The following STX18 variants were observed in gnomAD, a reference collection of about 807,000 sequenced individuals.
The protein encoded by STX18 is syntaxin 18.
In STX18, 40 loss-of-function variants were observed where a neutral mutation model predicts 50.1. That is an observed-to-expected ratio of 0.80 (90% CI 0.62 to 1.04). The LOEUF (loss-of-function observed/expected upper bound fraction) is 1.04, where lower values mean the gene tolerates loss of function less well. STX18 is among the 50% of genes least tolerant of loss of function. The pLI, the probability that STX18 is intolerant of heterozygous loss-of-function variation, is 0.00. For missense variants in STX18, 410 were observed against 415.8 expected (o/e 0.99, Z 0.12); for synonymous variants, 158 against 151.8 (o/e 1.04, Z -0.30).
At chr4:4,428,465 A>G (rs1199046423) in intron 7 of STX18, among the ~76,000 whole-genome samples, 2 of 152,114 alleles carry the variant, frequency 1.3e-5, no homozygotes, top group South Asian at 2.1e-4. Flanking sequence ...GGTTGTTAGA[A>G]GGAATACATG....
At chr4:4,458,776 T>C (rs1021582445) in intron 3 of STX18, among the ~76,000 whole-genome samples, 10 of 126,404 alleles carry the variant, frequency 7.9e-5, no homozygotes, top group African/African-American at 9.2e-5. Flanking sequence ...CTGCATTTCA[T>C]AGACAAAAAA....
At chr4:4,508,094 T>C (rs1729812703) in intron 1 of STX18, among the ~76,000 whole-genome samples, 1 of 152,194 alleles carries the variant, frequency 6.6e-6, no homozygotes, top group Non-Finnish European at 1.5e-5. Flanking sequence ...TAATCACTAT[T>C]AAATAAAATG....
chr4:4,485,801 G>A (rs753639361), intron 1 of STX18, among the ~76,000 whole-genome samples: 1 of 152,152 alleles, frequency 6.6e-6, no homozygotes, highest in Non-Finnish European at 1.5e-5. Context: ...TCCCTGCCCT[G>A]TCCCCTATGC....
At chr4:4,509,320 G>A (rs1729883010) in intron 1 of STX18, among the ~76,000 whole-genome samples, 1 of 152,006 alleles carries the variant, frequency 6.6e-6, no homozygotes, top group Admixed American at 6.5e-5. Context: ...CAGTGATGCT[G>A]AGCTTTTTTT....
intron 1 of STX18, among the ~76,000 whole-genome samples, chr4:4,488,652 G>C (rs1324370746): frequency 6.6e-6 from 1 of 152,200 alleles, no homozygotes; most frequent in Non-Finnish European, 1.5e-5. Context: ...CTAGTTTTAA[G>C]ATGATTTGTC....
intron 1 of STX18, among the ~76,000 whole-genome samples, chr4:4,479,462 T>C (rs1728352956): frequency 1.3e-5 from 2 of 152,172 alleles, no homozygotes; most frequent in South Asian, 2.1e-4. Context: ...ATCTAACTTG[T>C]TCAGGTGAAA....
chr4:4,456,474 T>C (rs867300341), intron 5 of STX18, among the ~76,000 whole-genome samples: 1 of 152,324 alleles, frequency 6.6e-6, no homozygotes, highest in Admixed American at 6.5e-5. Context: ...CAGATGCTCA[T>C]GTGAGCCCAG....
intron 1 of STX18, among the ~76,000 whole-genome samples, chr4:4,519,796 T>C (rs1730433015): frequency 6.6e-6 from 1 of 152,148 alleles, no homozygotes; most frequent in African/African-American, 2.4e-5. Context: ...TTTTCTAACT[T>C]AAAGGTGGAT....
chr4:4,504,833 A>T (rs1355322867), intron 1 of STX18, among the ~76,000 whole-genome samples: 1 of 152,206 alleles, frequency 6.6e-6, no homozygotes, highest in Non-Finnish European at 1.5e-5. Context: ...AAATAACTAG[A>T]ATTCTCATAC....
chr4:4,470,523 C>T (rs1455047732), intron 2 of STX18, among the ~76,000 whole-genome samples: 2 of 152,138 alleles, frequency 1.3e-5, no homozygotes, highest in Admixed American at 6.5e-5. Context: ...ATGACATGTA[C>T]AGCCTGGTGA....
chr4:4,420,582 T>G lies in STX18; in HGVS notation c.912+282A>C. 2.1e-6 allele frequency: 1 copy of G among 478,024 alleles called. No individual in the cohort carries two copies. The highest frequency in any genetic ancestry group is 3.8e-5 in the East Asian group (1 of 26,524). The allele number at this position is 478,024 out of a possible 1,614,324, so 29.6% of individuals were successfully genotyped here. The stretch of plus-strand genomic sequence containing the variant: ...CCAACGAGCTACCCATGTACATCCC[T>G]GGACATGAAGAGCTGGCCTGACCCT... On this transcript the variant is annotated intron_variant, in intron 10 of 10. Coordinates refer to ENST00000306200, the MANE Select transcript of STX18 (RefSeq NM_016930.4). The surrounding 1 kb of genome is among the most constrained non-coding windows in gnomAD (Gnocchi z 4.3).
At chr4:4,433,818 G>C (rs1256340431) in intron 7 of STX18, among the ~76,000 whole-genome samples, 1 of 152,174 alleles carries the variant, frequency 6.6e-6, no homozygotes, top group Non-Finnish European at 1.5e-5. Flanking sequence ...CAAGGCTGGG[G>C]AAAGACTGGA....
rs567835611 is a variant in STX18 at position 4,503,626 on chromosome 4, G to A, written c.169-31920C>T. On this transcript the variant is annotated intron_variant, in intron 1 of 10. Transcript: ENST00000306200. ...AATCACCACTAAAGAACTTATCCAC[G>A]TAACCAAAACAACCTGTTCCCCAAA... 3.3e-5 allele frequency among the ~76,000 whole-genome samples: 5 copies of A among 152,052 alleles called. No homozygotes were observed. In the East Asian group the frequency reaches 9.6e-4, roughly 29 times the overall value.
intron 1 of STX18, among the ~76,000 whole-genome samples, chr4:4,537,987 T>C (rs1731418952): frequency 6.6e-6 from 1 of 152,118 alleles, no homozygotes; most frequent in African/African-American, 2.4e-5. Context: ...ACCTGGCTTC[T>C]ACTTATGGCT....
intron 9 of STX18, among the ~76,000 whole-genome samples, chr4:4,421,609 C>A (rs529365147): frequency 2.2e-4 from 34 of 152,286 alleles, no homozygotes; most frequent in Admixed American, 3.9e-4. Flanking sequence ...CCCTCCTGCG[C>A]CACTCGCCGG....
chr4:4,530,902 C>CGGT (rs1443735181), intron 1 of STX18, among the ~76,000 whole-genome samples: 1 of 152,106 alleles, frequency 6.6e-6, no homozygotes, highest in Non-Finnish European at 1.5e-5. Context: ...CCACCATACC[C>CGGT]GGTCAAACTT....
At chr4:4,459,311 A>C in intron 3 of STX18, 61 bp downstream of exon 3, 1 of 1,227,860 alleles carries the variant, frequency 8.1e-7, no homozygotes, top group Middle Eastern at 2.4e-4. Flanking sequence ...CACCATATGC[A>C]TCTTGTTTAA....
At chr4:4,510,754 A>G (rs547264795) in intron 1 of STX18, among the ~76,000 whole-genome samples, 2 of 152,328 alleles carry the variant, frequency 1.3e-5, no homozygotes, top group East Asian at 3.9e-4. Flanking sequence ...GAACGAACCC[A>G]AAGGCCCATC....
intron 2 of STX18, among the ~76,000 whole-genome samples, chr4:4,469,438 T>C (rs1324399860): frequency 1.3e-5 from 2 of 152,124 alleles, no homozygotes; most frequent in Non-Finnish European, 2.9e-5. Context: ...ACAGGGCCTG[T>C]TGGCTTAAGG....
Sources: allele counts gnomAD v4.1 joint callset (sites outside exome capture counted in the v4.1 genomes callset), GRCh38; gene constraint gnomAD v4.1.1; non-coding constraint Gnocchi (gnomAD v3.1); transcripts MANE v1.5; gene names NCBI Gene and HGNC (gene_info 2026-07-23, HGNC 2026-07-21).